H2BC6: variants seen among roughly 807,000 people sequenced by gnomAD.
H2BC6 encodes the protein H2B clustered histone 6, also known as histone H2B type 1-C/E/F/G/I.
H2BC6 carries 8 observed loss-of-function variants against 6.1 expected under a neutral mutation model. The observed-to-expected ratio is 1.31, with a 90% CI of 0.77 to 2.36. The LOEUF is 2.36. Ranked by LOEUF, H2BC6 falls within the 30% of genes most tolerant of loss-of-function variation. The pLI is 0.00. For missense variants in H2BC6, 212 were observed against 169.9 expected (o/e 1.25, Z -1.38); for synonymous variants, 136 against 73.9 (o/e 1.84, Z -4.31).
rs1764741554 is a variant in H2BC6, at chr6:26,183,973, A to C, written c.178A>C (p.Met60Leu). 6.2e-7 allele frequency: 1 copy of C among 1,614,242 alleles called. No homozygotes were observed. The highest frequency in any genetic ancestry group is 8.5e-7 in the Non-Finnish European group (1 of 1,180,028). The change falls in exon 1 of 1, where the codon ATG becomes CTG. Residue 60 changes from methionine to leucine, a missense_variant. Met to Leu is a conservative substitution (Grantham distance 15). Transcript: ENST00000614097. ...CGACACCGGCATCTCCTCTAAAGCC[A>C]TGGGGATCATGAATTCCTTTGTCAA... ...HPDTGISSKAMGIMNSFVNDI... is the reference protein window; with the variant it reads ...HPDTGISSKALGIMNSFVNDI...
rs1231716367 is a variant in H2BC6, at chr6:26,184,094, G to A, written c.299G>A (p.Arg100His). Reference protein sequence around the residue: ...ITSREIQTAVRLLLPGELAKH... With the variant: ...ITSREIQTAVHLLLPGELAKH... ...TCCAGGGAGATCCAGACGGCCGTGCGCCTGCTGCTTCCCGGGGAGCTGGCC... is the reference window on the plus strand; with the variant it reads ...TCCAGGGAGATCCAGACGGCCGTGCACCTGCTGCTTCCCGGGGAGCTGGCC... Residue 100 changes from arginine (R) to histidine (H), a missense_variant, in exon 1 of 1, where the codon CGC becomes CAC. By Grantham distance (29) the Arg-to-His change is conservative. Transcript: ENST00000614097. 6.8e-6 allele frequency: 11 copies of A among 1,614,114 alleles called. No individual in the cohort carries two copies. The highest frequency in any genetic ancestry group is 1.7e-5 in the Admixed American group (1 of 60,004).
In H2BC6 at chr6:26,184,068, C is replaced by T; in HGVS notation, c.273C>T (p.Thr91=). The T allele has an allele frequency of 2.5e-6, 4 of 1,614,256 alleles. No homozygotes were observed. The South Asian group carries it at 3.3e-5, about 13-fold the overall frequency. The change falls in exon 1 of 1, where the codon ACC becomes ACT. Residue 91 remains threonine, a synonymous_variant. Coordinates refer to ENST00000614097, the MANE Select transcript of H2BC6 (RefSeq NM_003523.3). ...LAHYNKRSTI[T]SREIQTAVRL... is the part of the protein sequence containing the mutation. ...ATTACAACAAGCGCTCGACCATCAC[C>T]TCCAGGGAGATCCAGACGGCCGTGC...
In H2BC6 at chr6:26,184,182, T is replaced by A. The variant is rs1421048933; in HGVS notation, c.*6T>A. On this transcript the variant is annotated 3_prime_UTR_variant, in exon 1 of 1. Coordinates refer to ENST00000614097, the MANE Select transcript of H2BC6 (RefSeq NM_003523.3). Reference sequence around the variant, plus strand: ...AGTACACCAGCTCCAAGTAAACTTGTCCCTGCAACTGCCTTAGTAAACCCA... The same window carrying A: ...AGTACACCAGCTCCAAGTAAACTTGACCCTGCAACTGCCTTAGTAAACCCA... 1.2e-6 allele frequency: 2 copies of A among 1,613,884 alleles called. No individual in the cohort carries two copies. Among genetic ancestry groups the A allele is most frequent in the Non-Finnish European group, 1.7e-6 (2 of 1,179,882 alleles).
chr6:26,184,041 G>T lies in H2BC6; in HGVS notation c.246G>T (p.Ala82=), dbSNP rs767822362. 1 of 1,614,272 alleles carries T rather than the reference G, an allele frequency of 6.2e-7. No homozygotes were observed. Among genetic ancestry groups the T allele is most frequent in the South Asian group, 1.1e-5 (1 of 91,092 alleles). ...TCGCCGGCGAGGCTTCCCGCCTGGC[G>T]CATTACAACAAGCGCTCGACCATCA... ...ERIAGEASRL[A]HYNKRSTITS... is the part of the protein sequence containing the mutation. Residue 82 remains alanine (A), a synonymous_variant, in exon 1 of 1, where the codon GCG becomes GCT. Transcript: ENST00000614097.
Position 26,183,786 on chromosome 6 carries a change from C to G in H2BC6, c.-10C>G. The G allele has an allele frequency of 1.2e-6, 2 of 1,613,898 alleles. No individual in the cohort carries two copies. The highest frequency in any genetic ancestry group is 8.5e-7 in the Non-Finnish European group (1 of 1,179,944). On this transcript the variant is annotated 5_prime_UTR_variant, in exon 1 of 1. Coordinates refer to ENST00000614097, the MANE Select transcript of H2BC6 (RefSeq NM_003523.3). ...ATTTTCTTTCCTAACTGCAGAACAG[C>G]AAAGATAGCATGCCTGAGCCAGCGA...
Position 26,183,863 on chromosome 6 carries a change from A to C in H2BC6, c.68A>C (p.Gln23Pro). Residue 23 changes from glutamine to proline, a missense_variant, in exon 1 of 1, where the codon CAG becomes CCG. Gln to Pro is a moderately conservative substitution (Grantham distance 76). Coordinates refer to ENST00000614097, the MANE Select transcript of H2BC6 (RefSeq NM_003523.3). Reference protein sequence around the residue: ...KGSKKAVTKAQKKDGKKRKRS... With the variant: ...KGSKKAVTKAPKKDGKKRKRS... The stretch of plus-strand genomic sequence containing the variant: ...TCCAAGAAGGCCGTGACCAAGGCGC[A>C]GAAGAAGGACGGCAAGAAGCGCAAG... 1 of 1,613,892 alleles carries C rather than the reference A, an allele frequency of 6.2e-7. No homozygotes were observed. Among genetic ancestry groups the C allele is most frequent in the East Asian group, 2.2e-5 (1 of 44,744 alleles).
At position 26,184,204 on chromosome 6, in the gene H2BC6, C is replaced by G; in HGVS notation, c.*28C>G. ...TTGTCCCTGCAACTGCCTTAGTAAACCCAAAGGCTCTTTTCAGAGCCACTC... is the reference window on the plus strand; with the variant it reads ...TTGTCCCTGCAACTGCCTTAGTAAAGCCAAAGGCTCTTTTCAGAGCCACTC... On this transcript the variant is annotated 3_prime_UTR_variant, in exon 1 of 1. Transcript: ENST00000614097. 6.2e-7 allele frequency: 1 copy of G among 1,611,184 alleles called. No individual in the cohort carries two copies. The highest frequency in any genetic ancestry group is 8.5e-7 in the Non-Finnish European group (1 of 1,178,656).
rs1561975766 is a variant in H2BC6, at chr6:26,184,114, C to T, written c.319C>T (p.Leu107=). The T allele has an allele frequency of 6.2e-7, 1 of 1,614,118 alleles. No homozygotes were observed. Among genetic ancestry groups the T allele is most frequent in the African/African-American group, 1.3e-5 (1 of 74,932 alleles). ...TAVRLLLPGE[L]AKHAVSEGTK... ...CGTGCGCCTGCTGCTTCCCGGGGAG[C>T]TGGCCAAGCACGCTGTGTCAGAGGG... The change falls in exon 1 of 1, where the codon CTG becomes TTG. Residue 107 remains leucine, a synonymous_variant. Transcript: ENST00000614097.
In H2BC6 at chr6:26,183,997, A is replaced by T; in HGVS notation, c.202A>T (p.Asn68Tyr). 1.2e-6 allele frequency: 2 copies of T among 1,614,224 alleles called. No homozygotes were observed. The highest frequency in any genetic ancestry group is 1.7e-6 in the Non-Finnish European group (2 of 1,180,054). ...CATGGGGATCATGAATTCCTTTGTC[A>T]ACGACATCTTCGAGCGCATCGCCGG... ...KAMGIMNSFV[N>Y]DIFERIAGEA... Residue 68 changes from asparagine to tyrosine, a missense_variant, in exon 1 of 1, where the codon AAC becomes TAC. Asn to Tyr is a moderately radical substitution (Grantham distance 143). Transcript: ENST00000614097.
chr6:26,183,882 G>T lies in H2BC6; in HGVS notation c.87G>T (p.Lys29Asn), dbSNP rs1764737849. ...AGGCGCAGAAGAAGGACGGCAAGAA[G>T]CGCAAGCGCAGCCGCAAGGAGAGCT... ...VTKAQKKDGK[K>N]RKRSRKESYS... is the part of the protein sequence containing the mutation. Residue 29 changes from lysine (K) to asparagine (N), a missense_variant, in exon 1 of 1, where the codon AAG (lysine) becomes AAT (asparagine). Lys to Asn is a moderately conservative substitution (Grantham distance 94). Transcript: ENST00000614097. 6.2e-7 allele frequency: 1 copy of T among 1,614,134 alleles called. No individual in the cohort carries two copies. The highest frequency in any genetic ancestry group is 1.1e-5 in the South Asian group (1 of 91,094).
In H2BC6 at chr6:26,183,970, G is replaced by A. The variant is rs1415600577; in HGVS notation, c.175G>A (p.Ala59Thr). 5 of 1,614,252 alleles carry A rather than the reference G, an allele frequency of 3.1e-6. No individual in the cohort carries two copies. Among genetic ancestry groups the A allele is most frequent in the Non-Finnish European group, 4.2e-6 (5 of 1,180,036 alleles). ...VHPDTGISSK[A>T]MGIMNSFVND... ...CCCCGACACCGGCATCTCCTCTAAA[G>A]CCATGGGGATCATGAATTCCTTTGT... Residue 59 changes from alanine to threonine, a missense_variant, in exon 1 of 1, where the codon GCC becomes ACC. Coordinates refer to ENST00000614097, the MANE Select transcript of H2BC6 (RefSeq NM_003523.3).
In H2BC6 at chr6:26,184,226, A is replaced by G. The variant is rs532246531; in HGVS notation, c.*50A>G. 7.5e-6 allele frequency: 12 copies of G among 1,594,328 alleles called. No homozygotes were observed. Among genetic ancestry groups the G allele is most frequent in the Middle Eastern group, 1.7e-4 (1 of 5,802 alleles). ...AAACCCAAAGGCTCTTTTCAGAGCC[A>G]CTCACCTTTTCACAATTGGAGCTAT... On this transcript the variant is annotated 3_prime_UTR_variant, in exon 1 of 1. Coordinates refer to ENST00000614097, the MANE Select transcript of H2BC6 (RefSeq NM_003523.3).
chr6:26,183,942 C>G lies in H2BC6; in HGVS notation c.147C>G (p.Val49=). 1 of 1,614,254 alleles carries G rather than the reference C, an allele frequency of 6.2e-7. No homozygotes were observed. Among genetic ancestry groups the G allele is most frequent in the Non-Finnish European group, 8.5e-7 (1 of 1,180,044 alleles). Residue 49 remains valine (V), a synonymous_variant, in exon 1 of 1, where the codon GTC becomes GTG. Transcript: ENST00000614097. ...SVYVYKVLKQ[V]HPDTGISSKA... Reference sequence around the variant, plus strand: ...ACGTGTACAAGGTGCTGAAACAGGTCCACCCCGACACCGGCATCTCCTCTA... The same window carrying G: ...ACGTGTACAAGGTGCTGAAACAGGTGCACCCCGACACCGGCATCTCCTCTA...
Position 26,184,199 on chromosome 6 carries a change from G to A in H2BC6, c.*23G>A, listed in dbSNP as rs753192106. On this transcript the variant is annotated 3_prime_UTR_variant, in exon 1 of 1. Coordinates refer to ENST00000614097, the MANE Select transcript of H2BC6 (RefSeq NM_003523.3). ...TAAACTTGTCCCTGCAACTGCCTTA[G>A]TAAACCCAAAGGCTCTTTTCAGAGC... 8.7e-6 allele frequency: 14 copies of A among 1,612,692 alleles called. No homozygotes were observed. The highest frequency in any genetic ancestry group is 1.1e-5 in the Non-Finnish European group (13 of 1,179,354).
chr6:26,183,776 T>C lies in H2BC6; in HGVS notation c.-20T>C. The stretch of plus-strand genomic sequence containing the variant: ...TGTAGATTTCATTTTCTTTCCTAAC[T>C]GCAGAACAGCAAAGATAGCATGCCT... On this transcript the variant is annotated 5_prime_UTR_variant, in exon 1 of 1. Coordinates refer to ENST00000614097, the MANE Select transcript of H2BC6 (RefSeq NM_003523.3). The C allele has an allele frequency of 1.2e-6, 2 of 1,613,194 alleles. No homozygotes were observed. Among genetic ancestry groups the C allele is most frequent in the Non-Finnish European group, 1.7e-6 (2 of 1,179,786 alleles).
chr6:26,184,013 G>A lies in H2BC6; in HGVS notation c.218G>A (p.Arg73His), dbSNP rs1237383187. The A allele has an allele frequency of 3.1e-6, 5 of 1,614,138 alleles. No homozygotes were observed. Among genetic ancestry groups the A allele is most frequent in the Admixed American group, 3.3e-5 (2 of 60,008 alleles). ...MNSFVNDIFE[R>H]IAGEASRLAH... ...TCCTTTGTCAACGACATCTTCGAGC[G>A]CATCGCCGGCGAGGCTTCCCGCCTG... The change falls in exon 1 of 1, where the codon CGC becomes CAC. Residue 73 changes from arginine (R) to histidine (H), a missense_variant. Coordinates refer to ENST00000614097, the MANE Select transcript of H2BC6 (RefSeq NM_003523.3).
In H2BC6 at chr6:26,184,137, G is replaced by A; in HGVS notation, c.342G>A (p.Glu114=). Residue 114 remains glutamate (E), a synonymous_variant, in exon 1 of 1, where the codon GAG becomes GAA. Coordinates refer to ENST00000614097, the MANE Select transcript of H2BC6 (RefSeq NM_003523.3). ...PGELAKHAVS[E]GTKAVTKYTS... is the part of the protein sequence containing the mutation. The stretch of plus-strand genomic sequence containing the variant: ...AGCTGGCCAAGCACGCTGTGTCAGA[G>A]GGCACCAAGGCCGTTACCAAGTACA... 6.2e-7 allele frequency: 1 copy of A among 1,614,214 alleles called. No individual in the cohort carries two copies. The highest frequency in any genetic ancestry group is 8.5e-7 in the Non-Finnish European group (1 of 1,180,044).
In H2BC6 at chr6:26,183,833, A is replaced by T; in HGVS notation, c.38A>T (p.Lys13Met). 6.2e-7 allele frequency: 1 copy of T among 1,614,254 alleles called. No individual in the cohort carries two copies. The highest frequency in any genetic ancestry group is 2.2e-5 in the East Asian group (1 of 44,888). The stretch of plus-strand genomic sequence containing the variant: ...GCGAAATCCGCTCCCGCCCCGAAGA[A>T]GGGCTCCAAGAAGGCCGTGACCAAG... ...EPAKSAPAPK[K>M]GSKKAVTKAQ... Residue 13 changes from lysine to methionine, a missense_variant, in exon 1 of 1, where the codon AAG (lysine) becomes ATG (methionine). Transcript: ENST00000614097.
rs748551665 is a variant in H2BC6, at chr6:26,184,061, C to T, written c.266C>T (p.Thr89Ile). The change falls in exon 1 of 1, where the codon ACC (threonine) becomes ATC (isoleucine). Residue 89 changes from threonine (T) to isoleucine (I), a missense_variant. By Grantham distance (89) the Thr-to-Ile change is moderately conservative (BLOSUM62 -1). Transcript: ENST00000614097. ...CTGGCGCATTACAACAAGCGCTCGA[C>T]CATCACCTCCAGGGAGATCCAGACG... The part of the protein sequence containing the change: ...SRLAHYNKRS[T>I]ITSREIQTAV... 6.2e-7 allele frequency: 1 copy of T among 1,614,260 alleles called. No individual in the cohort carries two copies. Among genetic ancestry groups the T allele is most frequent in the Non-Finnish European group, 8.5e-7 (1 of 1,180,052 alleles).
Sources: gnomAD v4.1 joint callset for allele counts on GRCh38, gnomAD v4.1.1 for gene constraint, MANE v1.5 for transcripts, NCBI Gene and HGNC (gene_info 2026-07-23, HGNC 2026-07-21) for gene names.